The following GPC6 variants were observed in gnomAD, a reference collection of about 807,000 sequenced individuals.
The protein encoded by GPC6 is glypican-6.
Under a neutral mutation model 55.2 loss-of-function variants are expected in GPC6, and 14 were observed. The observed-to-expected ratio is 0.25, with a 90% CI of 0.17 to 0.40. The LOEUF (loss-of-function observed/expected upper bound fraction) is 0.40, where lower values mean the gene tolerates loss of function less well. GPC6 is among the 10% of genes least tolerant of loss of function. The pLI is 1.00. For missense variants in GPC6, 641 were observed against 708.5 expected (o/e 0.90, Z 1.08); for synonymous variants, 278 against 259.6 (o/e 1.07, Z -0.68).
intron 4 of GPC6, among the ~76,000 whole-genome samples, chr13:94,194,532 A>G (rs1035656539): frequency 9.8e-5 from 15 of 152,322 alleles, no homozygotes; most frequent in East Asian, 9.7e-4. Flanking sequence ...GTTCTCACTC[A>G]TAAGTGGGGG....
At chr13:93,551,556 G>A (rs1201223602) in intron 2 of GPC6, among the ~76,000 whole-genome samples, 2 of 152,148 alleles carry the variant, frequency 1.3e-5, no homozygotes, top group Non-Finnish European at 2.9e-5. Context: ...ACAGGTGGAG[G>A]CAGAATGCTC....
At chr13:93,423,824 A>C (rs1406963373) in intron 1 of GPC6, among the ~76,000 whole-genome samples, 1 of 152,056 alleles carries the variant, frequency 6.6e-6, no homozygotes, top group Non-Finnish European at 1.5e-5. Flanking sequence ...TTCATGTATA[A>C]TATCTCATTA....
At chr13:93,543,508 G>A (rs542392269) in intron 1 of GPC6, among the ~76,000 whole-genome samples, 2 of 152,004 alleles carry the variant, frequency 1.3e-5, no homozygotes, top group African/African-American at 2.4e-5. Context: ...GTGTCTGCCC[G>A]GCTTTGGTAT....
At chr13:93,961,108 T>G (rs1016793032) in intron 3 of GPC6, among the ~76,000 whole-genome samples, 7 of 152,142 alleles carry the variant, frequency 4.6e-5, no homozygotes, top group African/African-American at 1.7e-4. Context: ...GCCACCGCAC[T>G]TGGCCTATTG....
chr13:93,400,831 G>A (rs539595938), intron 1 of GPC6, among the ~76,000 whole-genome samples: 1 of 152,268 alleles, frequency 6.6e-6, no homozygotes, highest in African/African-American at 2.4e-5. Context: ...CTCTAAGAGG[G>A]GTTTGATGCA....
intron 2 of GPC6, among the ~76,000 whole-genome samples, chr13:93,692,941 T>C (rs147907111): frequency 6.6e-6 from 1 of 152,252 alleles, no homozygotes; most frequent in African/African-American, 2.4e-5. Flanking sequence ...AAAGCAAATT[T>C]GTGTGGGTCA....
At chr13:94,336,096 G>A (rs761156616) in intron 6 of GPC6, among the ~76,000 whole-genome samples, 22 of 152,036 alleles carry the variant, frequency 1.4e-4, no homozygotes, top group Non-Finnish European at 2.8e-4. Flanking sequence ...GTAGATGCTC[G>A]GAAAATGTTG....
chr13:93,710,918 T>C (rs1026374719), intron 2 of GPC6, among the ~76,000 whole-genome samples: 10 of 151,788 alleles, frequency 6.6e-5, no homozygotes, highest in African/African-American at 2.4e-4. Context: ...ATAAACAATA[T>C]AATCATATAC....
chr13:93,490,716 G>A (rs1307049214), intron 1 of GPC6, among the ~76,000 whole-genome samples: 3 of 109,842 alleles, frequency 2.7e-5, no homozygotes, highest in African/African-American at 7.0e-5. Context: ...TCCCCTTCCT[G>A]TGTCCATGTG....
At chr13:94,338,798 A>T (rs892019796) in intron 6 of GPC6, among the ~76,000 whole-genome samples, 3 of 152,308 alleles carry the variant, frequency 2.0e-5, no homozygotes, top group Admixed American at 1.3e-4. Context: ...CCCAGGCAGG[A>T]ACTGGTTTCT....
chr13:93,623,161 T>A (rs954756983), intron 2 of GPC6, among the ~76,000 whole-genome samples: 23 of 152,156 alleles, frequency 1.5e-4, no homozygotes, highest in African/African-American at 4.6e-4. Context: ...ATTCATCCAT[T>A]GATGGATACT....
At chr13:93,821,621 C>T (rs1887048997) in intron 2 of GPC6, among the ~76,000 whole-genome samples, 1 of 152,178 alleles carries the variant, frequency 6.6e-6, no homozygotes, top group Admixed American at 6.6e-5. Flanking sequence ...CTGTAAATAA[C>T]ATCCTTTATT....
chr13:93,572,315 A>T (rs945777252), intron 2 of GPC6, among the ~76,000 whole-genome samples: 1 of 152,180 alleles, frequency 6.6e-6, no homozygotes, highest in African/African-American at 2.4e-5. Flanking sequence ...ACCATCATAT[A>T]TGTACCCTTT....
At chr13:93,566,046 G>A (rs1174140281) in intron 2 of GPC6, among the ~76,000 whole-genome samples, 5 of 151,916 alleles carry the variant, frequency 3.3e-5, no homozygotes, top group African/African-American at 9.7e-5. Context: ...TTGATGATAC[G>A]TGGCCTTATG....
rs1883191398 is a variant in GPC6, at chr13:93,714,721, T to G, written c.320-115433T>G. Among the ~76,000 whole-genome samples the G allele has an allele frequency of 2.0e-5, 3 of 151,556 alleles. No individual in the cohort carries two copies. In the South Asian group the frequency reaches 6.2e-4, roughly 31 times the overall value. On this transcript the variant is annotated intron_variant, in intron 2 of 8. Transcript: ENST00000377047. ...ACAAGGAGAAAGCCAAAGTAAAGTTTATTGGAGTGCTTCTCCACAGATGGA... is the reference window on the plus strand; with the variant it reads ...ACAAGGAGAAAGCCAAAGTAAAGTTGATTGGAGTGCTTCTCCACAGATGGA...
chr13:93,864,729 A>G (rs1888909299), intron 3 of GPC6, among the ~76,000 whole-genome samples: 1 of 151,682 alleles, frequency 6.6e-6, no homozygotes, highest in Admixed American at 6.6e-5. Flanking sequence ...CTGAGGCACA[A>G]TCAGGCTAAG....
At chr13:93,788,867 A>C (rs1299797157) in intron 2 of GPC6, among the ~76,000 whole-genome samples, 1 of 152,146 alleles carries the variant, frequency 6.6e-6, no homozygotes, top group African/African-American at 2.4e-5. Flanking sequence ...CAGCAAGACA[A>C]CTGCATGGAG....
chr13:93,577,899 T>A (rs1876740114), intron 2 of GPC6, among the ~76,000 whole-genome samples: 1 of 152,130 alleles, frequency 6.6e-6, no homozygotes, highest in Non-Finnish European at 1.5e-5. Context: ...ACCAAATTTG[T>A]TGCGGGTTTT....
intron 2 of GPC6, among the ~76,000 whole-genome samples, chr13:93,606,673 C>T (rs938825367): frequency 6.6e-6 from 1 of 152,074 alleles, no homozygotes; most frequent in Non-Finnish European, 1.5e-5. Context: ...AATGATAATT[C>T]AATGCAAGGA....
Sources: allele counts gnomAD v4.1 joint callset (sites outside exome capture counted in the v4.1 genomes callset), GRCh38; gene constraint gnomAD v4.1.1; transcripts MANE v1.5; gene names NCBI Gene and HGNC (gene_info 2026-07-23, HGNC 2026-07-21).